The following KDM4C variants were observed in gnomAD, a reference collection of about 807,000 sequenced individuals.
KDM4C encodes lysine-specific demethylase 4C.
A neutral mutation model predicts 129.3 loss-of-function variants in KDM4C; 81 were observed. That is an observed-to-expected ratio of 0.63 (90% CI 0.52 to 0.75). The LOEUF (loss-of-function observed/expected upper bound fraction) is 0.75. KDM4C is among the 30% of genes least tolerant of loss of function. The pLI, the probability that KDM4C is intolerant of heterozygous loss-of-function variation, is 0.00. For missense variants in KDM4C, 1,457 were observed against 1,304.0 expected (o/e 1.12, Z -1.81); for synonymous variants, 573 against 456.1 (o/e 1.26, Z -3.26).
intron 3 of KDM4C, among the ~76,000 whole-genome samples, chr9:6,810,879 AT>A (rs1486542098): frequency 6.8e-6 from 1 of 146,156 alleles, no homozygotes; most frequent in African/African-American, 2.8e-5. Context: ...CTCCAAAAAA[AT>A]AAATAAATAA....
intron 8 of KDM4C, among the ~76,000 whole-genome samples, chr9:6,960,836 A>T (rs1451014735): frequency 7.2e-6 from 1 of 138,896 alleles, no homozygotes; most frequent in African/African-American, 2.8e-5. Flanking sequence ...GCCTTCAGGC[A>T]TTCTCAAATA....
intron 10 of KDM4C, 25 bp from the exon 11 acceptor site, chr9:6,986,319 T>G: frequency 6.6e-7 from 1 of 1,518,308 alleles, no homozygotes. Flanking sequence ...CATGATTTAT[T>G]AACAGTCTTC....
rs985624186 is a variant in KDM4C, at chr9:6,799,147, A to G, written c.144+6015A>G. Among the ~76,000 whole-genome samples, 43 of 152,066 alleles carry G rather than the reference A, an allele frequency of 2.8e-4. No homozygotes were observed. In the East Asian group the frequency reaches 7.6e-3, roughly 27 times the overall value. On this transcript the variant is annotated intron_variant, in intron 2 of 21. Transcript: ENST00000381309. ...GGGCGGCCAGGCAGAGACACTCCTC[A>G]CTTCCCAGACGGGGTGGCGGCCGGG...
chr9:7,158,741 G>A (rs918405521), intron 19 of KDM4C, among the ~76,000 whole-genome samples: 1 of 152,206 alleles, frequency 6.6e-6, no homozygotes, highest in Non-Finnish European at 1.5e-5. Context: ...TACATTTGCT[G>A]AGGAGTGCTT....
chr9:6,958,417 T>G (rs1829456455), intron 8 of KDM4C, among the ~76,000 whole-genome samples: 2 of 151,936 alleles, frequency 1.3e-5, no homozygotes, highest in African/African-American at 4.8e-5. Flanking sequence ...AAACCCTGTC[T>G]CTACTAAAAA....
At position 6,805,622 on chromosome 9, in the gene KDM4C, G is replaced by A; in HGVS notation, c.168G>A (p.Lys56=). The change falls in exon 3 of 22, where the codon AAG becomes AAA. Residue 56 remains lysine (K), a synonymous_variant. Coordinates refer to ENST00000381309, the MANE Select transcript of KDM4C (RefSeq NM_015061.6). ...AGGTGATTCCTCCTAAGGAGTGGAA[G>A]CCAAGACAGTGCTATGATGACATTG... is the stretch of plus-strand genomic sequence containing the variant. ...LAKVIPPKEW[K]PRQCYDDIDN... 6.2e-7 allele frequency: 1 copy of A among 1,612,806 alleles called. No individual in the cohort carries two copies. The highest frequency in any genetic ancestry group is 8.5e-7 in the Non-Finnish European group (1 of 1,179,600).
chr9:6,775,496 C>G (rs777027925), intron 1 of KDM4C, among the ~76,000 whole-genome samples: 2 of 151,928 alleles, frequency 1.3e-5, no homozygotes, highest in Admixed American at 1.3e-4. Context: ...TATTGTTGAA[C>G]TTACGCTAGA....
At chr9:7,137,191 G>T (rs545135157) in intron 19 of KDM4C, among the ~76,000 whole-genome samples, 2 of 152,284 alleles carry the variant, frequency 1.3e-5, no homozygotes, top group East Asian at 3.9e-4. Context: ...GCACCTGCTG[G>T]TCCCCTGTGC....
At chr9:7,013,316 T>A (rs995080502) in intron 13 of KDM4C, among the ~76,000 whole-genome samples, 2 of 152,230 alleles carry the variant, frequency 1.3e-5, no homozygotes, top group African/African-American at 4.8e-5. Context: ...CATGTGCCAG[T>A]TCTCTCTCAC....
intron 8 of KDM4C, among the ~76,000 whole-genome samples, chr9:6,962,957 T>C (rs1830276254): frequency 6.6e-6 from 1 of 152,208 alleles, no homozygotes; most frequent in South Asian, 2.1e-4. Context: ...ATATAAGCTG[T>C]TTATGGACAT....
At chr9:6,736,277 A>C (rs147282309) in intron 1 of KDM4C, among the ~76,000 whole-genome samples, 7 of 152,238 alleles carry the variant, frequency 4.6e-5, no homozygotes, top group Non-Finnish European at 8.8e-5. Flanking sequence ...AACTCAATCC[A>C]GATGCAGAAA....
chr9:7,087,924 G>C (rs566592189), intron 17 of KDM4C, among the ~76,000 whole-genome samples: 1 of 152,222 alleles, frequency 6.6e-6, no homozygotes, highest in Non-Finnish European at 1.5e-5. Flanking sequence ...TCTACATCCA[G>C]TTTATGGAGA....
intron 1 of KDM4C, among the ~76,000 whole-genome samples, chr9:6,773,661 C>T (rs932387994): frequency 2.0e-5 from 3 of 151,870 alleles, no homozygotes; most frequent in African/African-American, 7.3e-5. Flanking sequence ...ATCCCAGCTG[C>T]TCAGGTCGCT....
intron 12 of KDM4C, among the ~76,000 whole-genome samples, chr9:7,006,962 A>G (rs960955961): frequency 2.6e-5 from 4 of 152,250 alleles, no homozygotes; most frequent in Non-Finnish European, 4.4e-5. Flanking sequence ...TTTTATTGAC[A>G]TGGCGATTAA....
At chr9:6,932,778 G>T (rs1823994435) in intron 8 of KDM4C, among the ~76,000 whole-genome samples, 1 of 152,180 alleles carries the variant, frequency 6.6e-6, no homozygotes, top group African/African-American at 2.4e-5. Flanking sequence ...ATTGCATGAT[G>T]GGGGAGGTGC....
chr9:6,798,184 CCTTG>C (rs2130929365), intron 2 of KDM4C, among the ~76,000 whole-genome samples: 1 of 151,944 alleles, frequency 6.6e-6, no homozygotes, highest in East Asian at 1.9e-4. Flanking sequence ...TTATTGTGTG[CCTTG>C]CTTCTCTGTC....
intron 5 of KDM4C, among the ~76,000 whole-genome samples, chr9:6,855,458 CAAAAA>C (rs34177301): frequency 0.035 from 2,458 of 69,894 alleles, 45 homozygotes; most frequent in African/African-American, 0.1. Context: ...GACTCCGTCT[CAAAAA>C]AAAAAAAAAA....
At position 7,128,134 on chromosome 9, in the gene KDM4C, G is replaced by T. The variant is rs567626578; in HGVS notation, c.2679G>T (p.Arg893=). ...TCATCACGAAGCATCGGAACACCCG[G>T]TATTACAGTTGCAGAGTGATGGCTG... ...QTVITKHRNT[R]YYSCRVMAVT... The change falls in exon 19 of 22, where the codon CGG becomes CGT. Residue 893 remains arginine, a synonymous_variant. Transcript: ENST00000381309. The T allele has an allele frequency of 1.1e-5, 18 of 1,613,044 alleles. No homozygotes were observed. In the South Asian group the frequency reaches 1.8e-4, roughly 16 times the overall value.
chr9:7,023,002 T>C (rs976262676), intron 15 of KDM4C, among the ~76,000 whole-genome samples: 2 of 152,236 alleles, frequency 1.3e-5, no homozygotes, highest in Non-Finnish European at 2.9e-5. Context: ...AAATCCCACT[T>C]GGTCATGATG....
Sources: gnomAD v4.1 joint callset for allele counts (sites outside exome capture counted in the v4.1 genomes callset) on GRCh38, gnomAD v4.1.1 for gene constraint, MANE v1.5 for transcripts, NCBI Gene and HGNC (gene_info 2026-07-23, HGNC 2026-07-21) for gene names.